ECT2L: variants seen among roughly 807,000 people sequenced by gnomAD.
The protein encoded by ECT2L is epithelial cell-transforming sequence 2 oncogene-like.
ECT2L carries 126 observed loss-of-function variants against 122.8 expected under a neutral mutation model. The observed-to-expected ratio is 1.03, with a 90% CI of 0.89 to 1.19. ECT2L has a LOEUF of 1.19. ECT2L is among the 50% of genes most tolerant of loss of function. ECT2L has a pLI of 0.00. For synonymous variants in ECT2L, 385 were observed against 381.8 expected (o/e 1.01, Z -0.10); for missense variants, 1,012 against 1,064.1 (o/e 0.95, Z 0.68).
intron 9 of ECT2L, among the ~76,000 whole-genome samples, chr6:138,853,755 G>A (rs117670635): frequency 1.4e-3 from 210 of 152,182 alleles, no homozygotes; most frequent in Non-Finnish European, 2.5e-3. Flanking sequence ...CCCTGCATGC[G>A]CCTGATATCT....
intron 5 of ECT2L, 78 bp downstream of exon 5, chr6:138,838,592 G>A (rs1050742412): frequency 2.0e-5 from 28 of 1,410,826 alleles, no homozygotes; most frequent in Non-Finnish European, 2.4e-5. Flanking sequence ...GGTAGCTCCC[G>A]TCCCTGAAGA....
chr6:138,881,324 C>T (rs1048376796), intron 15 of ECT2L, among the ~76,000 whole-genome samples, 153 bp downstream of exon 15: 11 of 152,004 alleles, frequency 7.2e-5, no homozygotes, highest in Non-Finnish European at 1.3e-4. Context: ...CATTACCTAC[C>T]GGGCTGCAAC....
chr6:138,835,968 G>A (rs1177959501), intron 4 of ECT2L, among the ~76,000 whole-genome samples: 1 of 152,098 alleles, frequency 6.6e-6, no homozygotes, highest in East Asian at 1.9e-4. Context: ...CAGGCCTGCT[G>A]CTTTGTTGAA....
intron 15 of ECT2L, 83 bp downstream of exon 15, chr6:138,881,254 A>G (rs1778637123): frequency 7.4e-7 from 1 of 1,349,690 alleles, no homozygotes; most frequent in Non-Finnish European, 1.0e-6. Flanking sequence ...AGCAGTATGG[A>G]GGTGCAATGA....
intron 7 of ECT2L, among the ~76,000 whole-genome samples, chr6:138,845,777 A>G (rs1777199573): frequency 6.6e-6 from 1 of 152,174 alleles, no homozygotes; most frequent in Admixed American, 6.5e-5. Context: ...AGGCACATAA[A>G]GAATTTTAAG....
chr6:138,885,094 T>C (rs1446152316), intron 16 of ECT2L, among the ~76,000 whole-genome samples: 1 of 147,420 alleles, frequency 6.8e-6, no homozygotes, highest in Non-Finnish European at 1.5e-5. Flanking sequence ...AGTGGCGCTA[T>C]CTTGGATCAC....
Position 138,865,023 on chromosome 6 carries a change from G to A in ECT2L, c.1319G>A (p.Trp440Ter). ...CTTAGTGATTGGCTGGGATCCCAAT[G>A]GGGAAAGGCCCCCTCTTCCATCTAC... ...HILSDWLGSQWGKAPSSIYFC... is the reference protein window; with the variant it reads ...HILSDWLGSQ Residue 440 changes from tryptophan to a stop codon, truncating the protein, a stop_gained, in exon 12 of 22, where the codon TGG (tryptophan) becomes TAG (stop). Coordinates refer to ENST00000541398, the MANE Select transcript of ECT2L (RefSeq NM_001077706.3). LOFTEE classifies it high-confidence loss of function. 6.2e-7 allele frequency: 1 copy of A among 1,613,406 alleles called. No homozygotes were observed. Among genetic ancestry groups the A allele is most frequent in the East Asian group, 2.2e-5 (1 of 44,880 alleles).
chr6:138,838,591 C>T lies in ECT2L; in HGVS notation c.342+77C>T, dbSNP rs186827164. 6.3e-6 allele frequency: 9 copies of T among 1,418,616 alleles called. 1 individual carries two copies. The South Asian group carries it at 7.8e-5, about 12-fold the overall frequency. 87.9% of individuals were successfully genotyped at this position (1,418,616 alleles called of 1,614,324 possible). A position where few individuals can be genotyped will look rare whatever the true frequency, so the allele number is the denominator to read the frequency against. ...GTAATGAGGCTACTGGGGTAGCTCC[C>T]GTCCCTGAAGACAATAGCTGAGGGT... On this transcript the variant is annotated intron_variant, in intron 5 of 21. Coordinates refer to ENST00000541398, the MANE Select transcript of ECT2L (RefSeq NM_001077706.3).
At position 138,837,124 on chromosome 6, in the gene ECT2L, C is replaced by T. The variant is rs4896410; in HGVS notation, c.180-1228C>T. 2.0e-3 allele frequency among the ~76,000 whole-genome samples: 302 copies of T among 152,200 alleles called. 1 individual carries two copies. The highest frequency in any genetic ancestry group is 0.015 in the Admixed American group (230 of 15,300). On this transcript the variant is annotated intron_variant, in intron 4 of 21. Coordinates refer to ENST00000541398, the MANE Select transcript of ECT2L (RefSeq NM_001077706.3). ...CACGTGTACATATACAGCCATCTGTCTCTGTGTATCATTCATTTATATACA... is the reference window on the plus strand; with the variant it reads ...CACGTGTACATATACAGCCATCTGTTTCTGTGTATCATTCATTTATATACA...
At chr6:138,892,840 T>C (rs1241729861) in intron 20 of ECT2L, among the ~76,000 whole-genome samples, 4 of 152,148 alleles carry the variant, frequency 2.6e-5, no homozygotes. Context: ...ATGTGTCAGG[T>C]AAAAGGAACT....
At chr6:138,893,521 A>C (rs928134238) in intron 20 of ECT2L, among the ~76,000 whole-genome samples, 1 of 152,052 alleles carries the variant, frequency 6.6e-6, no homozygotes, top group African/African-American at 2.4e-5. Flanking sequence ...CTCAGGCTCA[A>C]GGGATTCTCC....
intron 4 of ECT2L, among the ~76,000 whole-genome samples, chr6:138,818,761 G>A (rs9495264): frequency 0.036 from 5,437 of 152,168 alleles, 286 homozygotes; most frequent in African/African-American, 0.12. Flanking sequence ...TCAGGGGTAA[G>A]CGGGGATCTG....
intron 13 of ECT2L, among the ~76,000 whole-genome samples, chr6:138,875,973 T>C (rs1447443784): frequency 6.6e-6 from 1 of 151,688 alleles, no homozygotes; most frequent in Non-Finnish European, 1.5e-5. Flanking sequence ...ATACAAAAAT[T>C]AGTGGGGCGT....
chr6:138,824,567 A>AC (rs1562459191), intron 4 of ECT2L, among the ~76,000 whole-genome samples: 13 of 126,616 alleles, frequency 1.0e-4, no homozygotes, highest in South Asian at 2.4e-4. Context: ...ATAAAAAAAA[A>AC]CAAAAAACAA....
chr6:138,881,813 G>A (rs996082123), intron 15 of ECT2L, among the ~76,000 whole-genome samples: 12 of 152,078 alleles, frequency 7.9e-5, no homozygotes, highest in African/African-American at 2.7e-4. Flanking sequence ...ACAGGGAGCG[G>A]TTGTAAATAT....
chr6:138,864,856 T>C (rs912807049), intron 11 of ECT2L, 140 bp from the exon 12 acceptor site: 4 of 692,760 alleles, frequency 5.8e-6, no homozygotes, highest in African/African-American at 5.4e-5. Context: ...AGAGGATGGG[T>C]GTTTGTCTTA....
rs1404676305 is a variant in ECT2L, at chr6:138,813,175, A to G, written c.-100A>G. On this transcript the variant is annotated 5_prime_UTR_variant, in exon 3 of 22. Transcript: ENST00000541398. Reference sequence around the variant, plus strand: ...TTAACATATTGGTTATTTCTAGGTGATCTTAATTGCACACCTATTGAAATA... The same window carrying G: ...TTAACATATTGGTTATTTCTAGGTGGTCTTAATTGCACACCTATTGAAATA... 2.1e-5 allele frequency: 15 copies of G among 730,826 alleles called. No homozygotes were observed. The highest frequency in any genetic ancestry group is 3.0e-5 in the Non-Finnish European group (13 of 427,578). The allele number at this position is 730,826 out of a possible 1,614,324, so 45.3% of individuals were successfully genotyped here.
intron 14 of ECT2L, among the ~76,000 whole-genome samples, chr6:138,877,165 A>G (rs1383456909): frequency 1.3e-5 from 2 of 152,222 alleles, no homozygotes; most frequent in Non-Finnish European, 2.9e-5. Context: ...CATGGGGGAA[A>G]AAAGTCAAAT....
chr6:138,890,502 T>A (rs1778983997), intron 20 of ECT2L, among the ~76,000 whole-genome samples: 1 of 55,544 alleles, frequency 1.8e-5, no homozygotes, highest in Non-Finnish European at 6.0e-5. Context: ...CTTTTTTTTT[T>A]TTTTTTTTTT....
Sources: gnomAD v4.1 joint callset for allele counts (sites outside exome capture counted in the v4.1 genomes callset) on GRCh38, gnomAD v4.1.1 for gene constraint, MANE v1.5 for transcripts, NCBI Gene and HGNC (gene_info 2026-07-23, HGNC 2026-07-21) for gene names.